MOB1A: variants seen among roughly 807,000 people sequenced by gnomAD.
MOB1A encodes the protein MOB1 Mps One Binder homolog A.
In MOB1A, 10 loss-of-function variants were observed where a neutral mutation model predicts 25.1. That is an observed-to-expected ratio of 0.40 (90% CI 0.25 to 0.68). The LOEUF is 0.68. Ranked by LOEUF, MOB1A falls within the 30% of genes least tolerant of loss-of-function variation. MOB1A has a pLI of 0.40. For synonymous variants in MOB1A, 81 were observed against 79.5 expected, an observed-to-expected ratio of 1.02 and a Z score of -0.10; for missense variants, 177 against 256.3, an observed-to-expected ratio of 0.69 and a Z score of 2.11.
intron 3 of MOB1A, among the ~76,000 whole-genome samples, chr2:74,165,650 T>G (rs1015042462): frequency 1.3e-5 from 2 of 152,182 alleles, no homozygotes; most frequent in Non-Finnish European, 2.9e-5. Flanking sequence ...AGCAGAAGGT[T>G]GCTGAGGGCT....
intron 1 of MOB1A, among the ~76,000 whole-genome samples, chr2:74,174,822 C>G (rs3849394): frequency 0.15 from 23,220 of 152,144 alleles, 2,088 homozygotes; most frequent in East Asian, 0.38. Context: ...ATAAGGAATC[C>G]TTTAGAAAAA....
chr2:74,157,543 T>C (rs767876485), intron 5 of MOB1A, among the ~76,000 whole-genome samples: 3 of 152,200 alleles, frequency 2.0e-5, no homozygotes, highest in Non-Finnish European at 4.4e-5. Context: ...TTACTTTTGA[T>C]TGATATCCCA....
rs1558828381 is a variant in MOB1A at position 74,154,711 on chromosome 2, G to A, written c.*1857C>T. 1 of 152,204 alleles carries A rather than the reference G, an allele frequency of 6.6e-6. No individual in the cohort carries two copies. Among genetic ancestry groups the A allele is most frequent in the Non-Finnish European group, 1.5e-5 (1 of 68,022 alleles). 9.4% of individuals were successfully genotyped at this position (152,204 alleles called of 1,614,324 possible). On this transcript the variant is annotated 3_prime_UTR_variant, in exon 6 of 6. Transcript: ENST00000396049. ...TAACAGGGTTTAAAGTTGAGAGGCA[G>A]TTCACATCCTAAGTGATACCTAGAA...
At chr2:74,160,450 C>T (rs543031722) in intron 4 of MOB1A, among the ~76,000 whole-genome samples, 9 of 152,166 alleles carry the variant, frequency 5.9e-5, no homozygotes, top group South Asian at 2.1e-4. Flanking sequence ...TTTGGGAGGC[C>T]GAGGGGGGCA....
chr2:74,174,282 A>G (rs1001264899), intron 1 of MOB1A, among the ~76,000 whole-genome samples: 2 of 151,430 alleles, frequency 1.3e-5, no homozygotes, highest in Non-Finnish European at 2.9e-5. Context: ...AAAAAAAAAA[A>G]AAAGAAAAGA....
At chr2:74,162,730 A>T (rs941673507) in intron 4 of MOB1A, among the ~76,000 whole-genome samples, 1 of 151,974 alleles carries the variant, frequency 6.6e-6, no homozygotes, top group Non-Finnish European at 1.5e-5. Flanking sequence ...TTGGAAAAAA[A>T]CTGTTGTCCT....
chr2:74,156,969 A>G (rs1692823837), intron 5 of MOB1A, among the ~76,000 whole-genome samples: 1 of 151,424 alleles, frequency 6.6e-6, no homozygotes, highest in African/African-American at 2.4e-5. Context: ...TAGGTATGAT[A>G]TTGTGATATA....
rs558620871 is a variant in MOB1A at position 74,161,549 on chromosome 2, GAGAATGGC to G, written c.410-2303_410-2296del. On this transcript the variant is annotated intron_variant, in intron 4 of 5. Transcript: ENST00000396049. ...CCAGCTACTCGGGAGGCTGAGACAG[GAGAATGGC>G]AGAATGGCGTGAACCCGGGAGGCGG... Among the ~76,000 whole-genome samples, 43 of 151,964 alleles carry G rather than the reference GAGAATGGC, an allele frequency of 2.8e-4. 1 individual carries two copies. In the East Asian group the frequency reaches 8.0e-3, roughly 28 times the overall value.
rs1428010977 is a variant in MOB1A at position 74,155,931 on chromosome 2, CTT to C, written c.*635_*636del. ...AAAAATAAAGTCCCTGTAAAAATAACTTTGGTTGCTCCCACCCACACGTCATA... is the reference window on the plus strand; with the variant it reads ...AAAAATAAAGTCCCTGTAAAAATAACTGGTTGCTCCCACCCACACGTCATA... On this transcript the variant is annotated 3_prime_UTR_variant, in exon 6 of 6. Transcript: ENST00000396049. 2 of 152,370 alleles carry C rather than the reference CTT, an allele frequency of 1.3e-5. No homozygotes were observed. Among genetic ancestry groups the C allele is most frequent in the Non-Finnish European group, 2.9e-5 (2 of 67,952 alleles). 9.4% of individuals were successfully genotyped at this position (152,370 alleles called of 1,614,324 possible).
chr2:74,165,754 TG>T (rs1693112366), intron 3 of MOB1A, among the ~76,000 whole-genome samples: 1 of 152,186 alleles, frequency 6.6e-6, no homozygotes, highest in South Asian at 2.1e-4. Flanking sequence ...AACTCTGTTT[TG>T]GGGGCCAGGT....
rs1286994852 is a variant in MOB1A, at chr2:74,173,135, C to G, written c.15-383G>C. 1.0e-5 allele frequency: 5 copies of G among 501,088 alleles called. No individual in the cohort carries two copies. The East Asian group carries it at 1.7e-4, about 17-fold the overall frequency. 31.0% of individuals were successfully genotyped at this position (501,088 alleles called of 1,614,324 possible). A position where few individuals can be genotyped will look rare whatever the true frequency, so the allele number is the denominator to read the frequency against. On this transcript the variant is annotated intron_variant, in intron 1 of 5. Transcript: ENST00000396049. ...CAGGTGACAGAGCAAGACTCAGTCT[C>G]AAAAAAAACAAAAACACTCTCTGAA...
At position 74,167,040 on chromosome 2, in the gene MOB1A, G is replaced by A. The variant is rs1693150629; in HGVS notation, c.249C>T (p.Ser83=). 1 of 1,613,816 alleles carries A rather than the reference G, an allele frequency of 6.2e-7. No homozygotes were observed. The change falls in exon 3 of 6, where the codon AGC becomes AGT. Residue 83 remains serine (S), a synonymous_variant. Transcript: ENST00000396049. ...GTITEFCTEA[S]CPVMSAGPRY... ...TCGGACCTGCAGACATGACTGGACAGCTTGCTTCAGTGCAGAATTCTGTAA... is the reference window on the plus strand; with the variant it reads ...TCGGACCTGCAGACATGACTGGACAACTTGCTTCAGTGCAGAATTCTGTAA...
chr2:74,178,548 A>G, intron 1 of MOB1A, 113 bp downstream of exon 1: 1 of 739,396 alleles, frequency 1.4e-6, no homozygotes, highest in South Asian at 4.1e-5. Context: ...AACAAACGCC[A>G]GCTACCCCGC....
chr2:74,167,014 C>T lies in MOB1A; in HGVS notation c.275G>A (p.Arg92Lys). ...CCTATATAATAGGCAGTATATGTAC[C>T]TCGGACCTGCAGACATGACTGGACA... ...ASCPVMSAGP[R>K]YEYHWADGTN... Residue 92 changes from arginine (R) to lysine (K), a missense_variant and splice_region_variant, in exon 3 of 6, where the codon AGA becomes AAA. Transcript: ENST00000396049. The T allele has an allele frequency of 6.2e-7, 1 of 1,611,002 alleles. No homozygotes were observed. Among genetic ancestry groups the T allele is most frequent in the Non-Finnish European group, 8.5e-7 (1 of 1,177,502 alleles).
At chr2:74,171,886 G>A (rs2103735727) in intron 2 of MOB1A, among the ~76,000 whole-genome samples, 1 of 152,188 alleles carries the variant, frequency 6.6e-6, no homozygotes, top group Admixed American at 6.5e-5. Context: ...CTGGGCAACA[G>A]AGCAAGACTC....
intron 1 of MOB1A, chr2:74,178,367 C>T: frequency 3.5e-6 from 1 of 282,936 alleles, no homozygotes. Flanking sequence ...GCTCCGCCCC[C>T]AGATCGTCTC....
chr2:74,170,120 T>TTTCG (rs111811429), intron 2 of MOB1A, among the ~76,000 whole-genome samples: 1 of 151,298 alleles, frequency 6.6e-6, no homozygotes, highest in Non-Finnish European at 1.5e-5. Context: ...CTGAATAAAG[T>TTTCG]TTTGTTTGTT....
intron 1 of MOB1A, among the ~76,000 whole-genome samples, chr2:74,177,298 A>G (rs990557407): frequency 6.6e-6 from 1 of 152,070 alleles, no homozygotes; most frequent in Admixed American, 6.6e-5. Flanking sequence ...GGTTGCAGTG[A>G]GCCGAGACCG....
At position 74,159,225 on chromosome 2, in the gene MOB1A, C is replaced by T. The variant is rs1296517593; in HGVS notation, c.439G>A (p.Val147Met). The change falls in exon 5 of 6, where the codon GTG (valine) becomes ATG (methionine). Residue 147 changes from valine (V) to methionine (M), a missense_variant. Coordinates refer to ENST00000396049, the MANE Select transcript of MOB1A (RefSeq NM_018221.5). ...GVPFPKNFMS[V>M]AKTILKRLFR... ...AGACGCTTTAGAATAGTCTTTGCCA[C>T]AGACATAAAGTTTTTGGGAAATGGG... is the stretch of plus-strand genomic sequence containing the variant. 6.2e-7 allele frequency: 1 copy of T among 1,613,520 alleles called. No homozygotes were observed. The highest frequency in any genetic ancestry group is 1.7e-5 in the Admixed American group (1 of 59,774).
Sources: gnomAD v4.1 joint callset for allele counts (sites outside exome capture counted in the v4.1 genomes callset) on GRCh38, gnomAD v4.1.1 for gene constraint, MANE v1.5 for transcripts, NCBI Gene and HGNC (gene_info 2026-07-23, HGNC 2026-07-21) for gene names.